The following FEZ2 variants were observed in gnomAD, a reference collection of about 807,000 sequenced individuals.
The protein encoded by FEZ2 is fasciculation and elongation protein zeta 2.
FEZ2 carries 51 observed loss-of-function variants against 40.4 expected under a neutral mutation model. The ratio of observed to expected loss-of-function variants is 1.26; its 90% CI spans 1.01 to 1.59. The LOEUF is 1.59. Ranked by LOEUF, FEZ2 falls within the 40% of genes most tolerant of loss-of-function variation. The probability of loss-of-function intolerance (pLI) is 0.00; values close to 1 mark genes in which losing one functional copy is unlikely to be tolerated. For missense variants in FEZ2, 640 were observed against 438.3 expected (o/e 1.46, Z -4.11); for synonymous variants, 242 against 172.0 (o/e 1.41, Z -3.18).
chr2:36,562,595 T>C (rs909435876), intron 5 of FEZ2, among the ~76,000 whole-genome samples: 12 of 152,284 alleles, frequency 7.9e-5, no homozygotes, highest in Admixed American at 6.5e-4. Flanking sequence ...TGCTGACTAC[T>C]CTTCACTTCA....
At chr2:36,591,037 A>G (rs377753072) in intron 1 of FEZ2, 26 bp from the exon 2 acceptor site, 10 of 1,346,474 alleles carry the variant, frequency 7.4e-6, no homozygotes, top group East Asian at 2.3e-5. Context: ...GCTACAATCA[A>G]TGAAAATTAA....
intron 5 of FEZ2, 89 bp downstream of exon 5, chr2:36,578,508 A>C (rs1573018686): frequency 7.4e-7 from 1 of 1,360,378 alleles, no homozygotes. Context: ...CCCATGTACA[A>C]CCTGTCGCAC....
intron 2 of FEZ2, among the ~76,000 whole-genome samples, chr2:36,584,590 A>G (rs1351919510): frequency 6.6e-6 from 1 of 152,254 alleles, no homozygotes; most frequent in Non-Finnish European, 1.5e-5. Context: ...AGGAAGGATT[A>G]GCACACACTG....
At chr2:36,558,320 T>A (rs1668005112) in intron 6 of FEZ2, 118 bp downstream of exon 6, 1 of 528,776 alleles carries the variant, frequency 1.9e-6, no homozygotes, top group Admixed American at 3.7e-5. Context: ...AACAATTATA[T>A]GCATCATTTA....
Position 36,571,399 on chromosome 2 carries a change from G to A in FEZ2, c.903+7198C>T, listed in dbSNP as rs572175022. On this transcript the variant is annotated intron_variant, in intron 5 of 7. Transcript: ENST00000405912. ...ATCAGAGCCGGGCACGGTTGCTCAC[G>A]CCTGTAATCCCAGCACTTTGGGAGG... Among the ~76,000 whole-genome samples, 65 of 152,146 alleles carry A rather than the reference G, an allele frequency of 4.3e-4. 2 individuals carry two copies. In the South Asian group the frequency reaches 0.012, roughly 28 times the overall value.
intron 3 of FEZ2, 111 bp from the exon 4 acceptor site, chr2:36,581,542 T>G: frequency 2.2e-6 from 2 of 899,286 alleles, no homozygotes; most frequent in Non-Finnish European, 1.8e-6. Context: ...GAATTCTCCA[T>G]TAACCAATGG....
At position 36,591,018 on chromosome 2, in the gene FEZ2, A is replaced by G. The variant is rs919904156; in HGVS notation, c.267-7T>C. On this transcript the variant is annotated splice_polypyrimidine_tract_variant and splice_region_variant and intron_variant, in intron 1 of 7. Transcript: ENST00000405912. The stretch of plus-strand genomic sequence containing the variant: ...TGTCAGGGCATTCCAAATCCTTAAA[A>G]AGAAGAAAGCTACAATCAATGAAAA... The G allele has an allele frequency of 6.5e-7, 1 of 1,528,226 alleles. No individual in the cohort carries two copies. The highest frequency in any genetic ancestry group is 9.1e-7 in the Non-Finnish European group (1 of 1,102,058). The allele number at this position is 1,528,226 out of a possible 1,614,324, so 94.7% of individuals were successfully genotyped here. A position where few individuals can be genotyped will look rare whatever the true frequency, so the allele number is the denominator to read the frequency against.
intron 1 of FEZ2, 85 bp downstream of exon 1, chr2:36,597,792 G>T (rs1255930639): frequency 3.9e-6 from 4 of 1,018,120 alleles, no homozygotes; most frequent in East Asian, 3.4e-5. Flanking sequence ...GGAGGGCGCA[G>T]GGAGGAGCTG....
At chr2:36,560,813 G>T in intron 5 of FEZ2, 1 of 1,611,108 alleles carries the variant, frequency 6.2e-7, no homozygotes, top group Non-Finnish European at 8.5e-7. Context: ...ATTTCCAAAG[G>T]TGTGGCGGAG....
At chr2:36,559,059 G>A (rs1558441094) in intron 5 of FEZ2, 1 of 152,008 alleles carries the variant, frequency 6.6e-6, no homozygotes, top group South Asian at 2.1e-4. Context: ...CACTTAAATC[G>A]TTTTAGAAAT....
intron 5 of FEZ2, chr2:36,561,417 T>C (rs1273214362): frequency 6.6e-6 from 1 of 152,216 alleles, no homozygotes; most frequent in Non-Finnish European, 1.5e-5. Context: ...AACTAGAAGA[T>C]GGCATACGCT....
At chr2:36,580,031 G>A (rs938362538) in intron 4 of FEZ2, among the ~76,000 whole-genome samples, 9 of 152,192 alleles carry the variant, frequency 5.9e-5, no homozygotes, top group African/African-American at 1.9e-4. Context: ...GCAGCCATCT[G>A]CATGTCAAGG....
At chr2:36,563,833 G>A (rs1214873542) in intron 5 of FEZ2, among the ~76,000 whole-genome samples, 2 of 152,126 alleles carry the variant, frequency 1.3e-5, no homozygotes, top group African/African-American at 4.8e-5. Context: ...CCGCTTCCTT[G>A]GATTCAGAGA....
At chr2:36,572,480 A>G (rs1162288941) in intron 5 of FEZ2, among the ~76,000 whole-genome samples, 2 of 152,242 alleles carry the variant, frequency 1.3e-5, no homozygotes, top group Non-Finnish European at 2.9e-5. Flanking sequence ...AGTCTAAATC[A>G]GAGATTGGCA....
chr2:36,586,324 C>T (rs1237659218), intron 2 of FEZ2, among the ~76,000 whole-genome samples: 1 of 152,122 alleles, frequency 6.6e-6, no homozygotes, highest in Non-Finnish European at 1.5e-5. Flanking sequence ...CTTATAAATA[C>T]TAAAAGTTTT....
intron 1 of FEZ2, among the ~76,000 whole-genome samples, chr2:36,593,059 T>C (rs896247513): frequency 2.6e-5 from 4 of 152,192 alleles, no homozygotes; most frequent in African/African-American, 9.6e-5. Flanking sequence ...GGCTCATACC[T>C]TCCTGGATAA....
At chr2:36,581,529 A>ACC in intron 3 of FEZ2, 98 bp from the exon 4 acceptor site, 1 of 1,037,160 alleles carries the variant, frequency 9.6e-7, no homozygotes, top group Non-Finnish European at 1.5e-6. Flanking sequence ...GCAGAAATGC[A>ACC]CTGAATTCTC....
In FEZ2 at chr2:36,587,763, G is replaced by GTGGCAATGGTA. The variant is rs1318863113; in HGVS notation, c.375+3129_375+3139dup. Among the ~76,000 whole-genome samples the GTGGCAATGGTA allele has an allele frequency of 2.0e-5, 3 of 152,126 alleles. No individual in the cohort carries two copies. In the East Asian group the frequency reaches 5.8e-4, roughly 29 times the overall value. Reference sequence around the variant, plus strand: ...AGTCACGGCACGAACAGAGCACCAGGTGGCAATGGTAAATACAGTCACTTT... The same window carrying GTGGCAATGGTA: ...AGTCACGGCACGAACAGAGCACCAGGTGGCAATGGTATGGCAATGGTAAATACAGTCACTTT... On this transcript the variant is annotated intron_variant, in intron 2 of 7. Coordinates refer to ENST00000405912, the MANE Select transcript of FEZ2 (RefSeq NM_005102.3).
chr2:36,555,779 C>T (rs759819782), intron 6 of FEZ2, 31 bp from the exon 7 acceptor site: 1 of 1,323,890 alleles, frequency 7.6e-7, no homozygotes, highest in South Asian at 1.3e-5. Context: ...AAAAAGACAA[C>T]AATTAAAAAT....
Sources: allele counts gnomAD v4.1 joint callset (sites outside exome capture counted in the v4.1 genomes callset), GRCh38; gene constraint gnomAD v4.1.1; transcripts MANE v1.5; gene names NCBI Gene and HGNC (gene_info 2026-07-23, HGNC 2026-07-21).